Variants in ZNF3 observed in about 807,000 individuals in gnomAD.
ZNF3 encodes C2-H2 type zinc finger protein.
In ZNF3, 16 loss-of-function variants were observed where a neutral mutation model predicts 36.9. The ratio of observed to expected loss-of-function variants is 0.43; its 90% CI spans 0.29 to 0.66. The LOEUF (loss-of-function observed/expected upper bound fraction) is 0.66, where lower values mean the gene tolerates loss of function less well. Among genes scored for constraint, ZNF3 ranks in the 30% least tolerant of loss-of-function variants. The probability of loss-of-function intolerance (pLI) is 0.13; values close to 1 mark genes in which losing one functional copy is unlikely to be tolerated. For synonymous variants in ZNF3, 201 were observed against 201.9 expected, an observed-to-expected ratio of 1.00 and a Z score of 0.04; for missense variants, 462 against 543.1, an observed-to-expected ratio of 0.85 and a Z score of 1.48.
intron 5 of ZNF3, among the ~76,000 whole-genome samples, chr7:100,074,355 C>T (rs745870726): frequency 6.6e-6 from 1 of 152,176 alleles, no homozygotes; most frequent in Non-Finnish European, 1.5e-5. Context: ...ACTGCAACCT[C>T]GGCTTCCCAG....
At chr7:100,072,287 G>C in intron 5 of ZNF3, 75 bp from the exon 6 acceptor site, 1 of 1,339,548 alleles carries the variant, frequency 7.5e-7, no homozygotes. Flanking sequence ...CAGGATCATT[G>C]TAACGAATAC....
intron 1 of ZNF3, among the ~76,000 whole-genome samples, chr7:100,080,688 C>T (rs1328931316): frequency 6.6e-6 from 1 of 152,150 alleles, no homozygotes. Context: ...TGGCGGGCGC[C>T]TGTAGTCCCA....
exon 6 of ZNF3, chr7:100,064,612 C>T: frequency 6.2e-7 from 1 of 1,612,624 alleles, no homozygotes; most frequent in Non-Finnish European, 8.5e-7. Context: ...GGGAGAAGCA[C>T]CGTAACTTTC....
downstream of ZNF3, among the ~76,000 whole-genome samples, chr7:100,067,348 G>A (rs1045013624): frequency 3.3e-5 from 5 of 151,924 alleles, no homozygotes; most frequent in East Asian, 1.9e-4. Context: ...TTTAACACAC[G>A]CTGAGTCTGC....
chr7:100,065,046 C>A, downstream of ZNF3: 2 of 1,114,562 alleles, frequency 1.8e-6, no homozygotes, highest in Non-Finnish European at 2.6e-6. Context: ...TGTAATGCCT[C>A]AGGACTATTA....
chr7:100,080,762 A>C (rs1794870892), intron 1 of ZNF3, among the ~76,000 whole-genome samples: 1 of 152,158 alleles, frequency 6.6e-6, no homozygotes, highest in Non-Finnish European at 1.5e-5. Flanking sequence ...CAGTGAGCCG[A>C]GATCGCGCCA....
exon 6 of ZNF3, chr7:100,064,363 T>G: frequency 6.2e-7 from 1 of 1,613,990 alleles, no homozygotes; most frequent in Non-Finnish European, 8.5e-7. Context: ...GCCTTATCAG[T>G]GTAACGAATG....
At chr7:100,066,218 G>C (rs754762368), downstream of ZNF3, among the ~76,000 whole-genome samples, 9 of 151,986 alleles carry the variant, frequency 5.9e-5, no homozygotes, top group Non-Finnish European at 1.3e-4. Flanking sequence ...TATCCTGTTG[G>C]CTGAAAGTTT....
chr7:100,073,224 G>A (rs1315945944), intron 5 of ZNF3, among the ~76,000 whole-genome samples: 1 of 152,204 alleles, frequency 6.6e-6, no homozygotes, highest in African/African-American at 2.4e-5. Flanking sequence ...AAATGTACAG[G>A]AAGGTCTCAA....
At chr7:100,068,244 G>A (rs117143131), downstream of ZNF3, among the ~76,000 whole-genome samples, 292 of 152,130 alleles carry the variant, frequency 1.9e-3, 5 homozygotes, top group East Asian at 0.037. Flanking sequence ...GTGCCACCAA[G>A]CCTAATTTTT....
chr7:100,081,662 G>A lies in ZNF3; in HGVS notation c.-225C>T, dbSNP rs1795016083. The stretch of plus-strand genomic sequence containing the variant: ...TGGGGGCAGGGACGACAGATTTGGG[G>A]GACCGGACACGGACCAGGCCCTGTT... On this transcript the variant is annotated 5_prime_UTR_variant, in exon 1 of 6. Coordinates refer to ENST00000299667, the MANE Select transcript of ZNF3 (RefSeq NM_032924.5). This position sits in a 1 kb window ranked among gnomAD's most constrained non-coding sequence, Gnocchi z 4.3. 1.3e-5 allele frequency: 2 copies of A among 152,532 alleles called. No individual in the cohort carries two copies. The allele number at this position is 152,532 out of a possible 1,614,324, so 9.4% of individuals were successfully genotyped here.
Position 100,070,194 on chromosome 7 carries a change from C to G in ZNF3, c.*949G>C, listed in dbSNP as rs1792908353. On this transcript the variant is annotated 3_prime_UTR_variant, in exon 6 of 6. Coordinates refer to ENST00000299667, the MANE Select transcript of ZNF3 (RefSeq NM_032924.5). ...TTTTTTTTCTCCCTTTTGGGCTTTG[C>G]TCTTTCTCTGCATTAATCTTCAGCT... The G allele has an allele frequency of 1.0e-6, 1 of 984,344 alleles. No individual in the cohort carries two copies. The highest frequency in any genetic ancestry group is 1.8e-5 in the African/African-American group (1 of 56,876). The allele number at this position is 984,344 out of a possible 1,614,324, so 61.0% of individuals were successfully genotyped here.
Position 100,071,129 on chromosome 7 carries a change from G to C in ZNF3, c.*14C>G, listed in dbSNP as rs1281290799. 6.4e-7 allele frequency: 1 copy of C among 1,557,612 alleles called. No homozygotes were observed. Among genetic ancestry groups the C allele is most frequent in the African/African-American group, 1.4e-5 (1 of 73,072 alleles). On this transcript the variant is annotated 3_prime_UTR_variant, in exon 6 of 6. Coordinates refer to ENST00000299667, the MANE Select transcript of ZNF3 (RefSeq NM_032924.5). ...AGACTCAGGGAAAGTGAGGAAAATG[G>C]GTGTGTGGCTCTTTCACGTGGACTC... is the stretch of plus-strand genomic sequence containing the variant.
rs1268346963 is a variant in ZNF3 at position 100,070,565 on chromosome 7, G to C, written c.*578C>G. The C allele has an allele frequency of 1.0e-6, 1 of 986,004 alleles. No homozygotes were observed. Among genetic ancestry groups the C allele is most frequent in the African/African-American group, 1.7e-5 (1 of 57,204 alleles). The allele number at this position is 986,004 out of a possible 1,614,324, so 61.1% of individuals were successfully genotyped here. ...GTCTGGCTGCTCCAAGAGCCCTAAA[G>C]GACACCATCATCACAGATGATGATT... is the stretch of plus-strand genomic sequence containing the variant. On this transcript the variant is annotated 3_prime_UTR_variant, in exon 6 of 6. Transcript: ENST00000299667.
At position 100,079,540 on chromosome 7, in the gene ZNF3, C is replaced by G. The variant is rs985917269; in HGVS notation, c.-81G>C. 1 of 152,162 alleles carries G rather than the reference C, an allele frequency of 6.6e-6. No individual in the cohort carries two copies. Among genetic ancestry groups the G allele is most frequent in the Non-Finnish European group, 1.5e-5 (1 of 68,018 alleles). The allele number at this position is 152,162 out of a possible 1,614,324, so 9.4% of individuals were successfully genotyped here. ...ACAAGACACGGAAAGCTTTACCTGCCTGATTCTTTCCTTCCTTCTTTGAAG... is the reference window on the plus strand; with the variant it reads ...ACAAGACACGGAAAGCTTTACCTGCGTGATTCTTTCCTTCCTTCTTTGAAG... On this transcript the variant is annotated 5_prime_UTR_variant, in exon 2 of 6. Transcript: ENST00000299667.
At chr7:100,077,469 C>A in intron 2 of ZNF3, 36 bp from the exon 3 acceptor site, 1 of 1,566,010 alleles carries the variant, frequency 6.4e-7, no homozygotes, top group Non-Finnish European at 8.7e-7. Context: ...AAAGATAATT[C>A]AAAAAAACCT....
At chr7:100,067,205 T>G (rs760778789), downstream of ZNF3, among the ~76,000 whole-genome samples, 3 of 152,236 alleles carry the variant, frequency 2.0e-5, no homozygotes, top group Non-Finnish European at 2.9e-5. Context: ...TTAACCCTGC[T>G]GAGGCAGCTG....
chr7:100,081,342 G>A lies in ZNF3; in HGVS notation c.-198+293C>T, dbSNP rs1794969927. ...GTCATTAGCTGCTTTCAAGAGAGAGGCGCCCCTACCGCTCTGCTGAAACTT... is the reference window on the plus strand; with the variant it reads ...GTCATTAGCTGCTTTCAAGAGAGAGACGCCCCTACCGCTCTGCTGAAACTT... On this transcript the variant is annotated intron_variant, in intron 1 of 5. Coordinates refer to ENST00000299667, the MANE Select transcript of ZNF3 (RefSeq NM_032924.5). This position sits in a 1 kb window ranked among gnomAD's most constrained non-coding sequence, Gnocchi z 4.3. 2.0e-5 allele frequency among the ~76,000 whole-genome samples: 3 copies of A among 152,358 alleles called. No homozygotes were observed. Among genetic ancestry groups the A allele is most frequent in the African/African-American group, 7.2e-5 (3 of 41,592 alleles).
At chr7:100,065,026 TATAAC>T (rs1792575917), downstream of ZNF3, 16 of 1,350,146 alleles carry the variant, frequency 1.2e-5, 1 homozygote, top group South Asian at 1.9e-4. Flanking sequence ...AGAATAAACT[TATAAC>T]ATCTTGTAAT....
Sources: allele counts gnomAD v4.1 joint callset (sites outside exome capture counted in the v4.1 genomes callset), GRCh38; gene constraint gnomAD v4.1.1; non-coding constraint Gnocchi (gnomAD v3.1); transcripts MANE v1.5; gene names NCBI Gene and HGNC (gene_info 2026-07-23, HGNC 2026-07-21).